CSMD2: variants seen among roughly 807,000 people sequenced by gnomAD.
CSMD2 encodes the protein CUB and Sushi multiple domains 2.
Under a neutral mutation model 398.5 loss-of-function variants are expected in CSMD2, and 130 were observed. The ratio of observed to expected loss-of-function variants is 0.33; its 90% confidence interval spans 0.28 to 0.38. The LOEUF is 0.38. Ranked by LOEUF, CSMD2 falls within the 10% of genes least tolerant of loss-of-function variation. CSMD2 has a pLI of 1.00. For missense variants in CSMD2, 3,829 were observed against 4,764.9 expected, an observed-to-expected ratio of 0.80 and a Z score of 5.78; for synonymous variants, 1,828 against 1,908.5, an observed-to-expected ratio of 0.96 and a Z score of 1.10.
chr1:33,695,495 G>A (rs1332159786), intron 24 of CSMD2, among the ~76,000 whole-genome samples: 1 of 152,050 alleles, frequency 6.6e-6, no homozygotes, highest in Non-Finnish European at 1.5e-5. Context: ...AGAAGCTGGG[G>A]GTTCCTGCTG....
At chr1:33,576,777 C>T (rs1380246548) in intron 49 of CSMD2, among the ~76,000 whole-genome samples, 2 of 151,410 alleles carry the variant, frequency 1.3e-5, no homozygotes, top group African/African-American at 4.8e-5. Context: ...TGTTCATTTT[C>T]ACTTTTTTTC....
intron 67 of CSMD2, 63 bp from the exon 68 acceptor site, chr1:33,521,613 C>T (rs765381300): frequency 9.7e-7 from 1 of 1,031,854 alleles, no homozygotes; most frequent in Non-Finnish European, 1.5e-6. Context: ...GAACTCCTCT[C>T]TCATCATACA....
intron 44 of CSMD2, among the ~76,000 whole-genome samples, chr1:33,588,712 T>C (rs766727445): frequency 6.6e-6 from 1 of 152,238 alleles, no homozygotes; most frequent in African/African-American, 2.4e-5. Flanking sequence ...CATTGCATAC[T>C]GTACCATCCA....
At chr1:34,064,553 A>C (rs533226572) in intron 2 of CSMD2, among the ~76,000 whole-genome samples, 5 of 152,210 alleles carry the variant, frequency 3.3e-5, no homozygotes, top group African/African-American at 1.2e-4. Context: ...TCTGGACCCT[A>C]CTGTTCATAT....
At chr1:33,890,659 C>G (rs1391615570) in intron 5 of CSMD2, among the ~76,000 whole-genome samples, 2 of 151,854 alleles carry the variant, frequency 1.3e-5, no homozygotes. Context: ...TACAAGGCTA[C>G]AGTAACCAAA....
At chr1:33,807,588 A>G (rs1010598019) in intron 10 of CSMD2, among the ~76,000 whole-genome samples, 7 of 152,150 alleles carry the variant, frequency 4.6e-5, no homozygotes, top group African/African-American at 1.7e-4. Flanking sequence ...GCTTTATCAA[A>G]CAATAACAAT....
At chr1:33,967,282 G>A (rs1348200337) in intron 3 of CSMD2, among the ~76,000 whole-genome samples, 2 of 151,592 alleles carry the variant, frequency 1.3e-5, no homozygotes, top group Non-Finnish European at 2.9e-5. Context: ...CGGGGGGTGG[G>A]GGGTAGTCTA....
At chr1:33,742,439 A>G (rs1265518799) in intron 14 of CSMD2, among the ~76,000 whole-genome samples, 2 of 152,126 alleles carry the variant, frequency 1.3e-5, no homozygotes, top group Admixed American at 6.5e-5. Context: ...GATCTAGTTA[A>G]TTGCTCAGAT....
At chr1:34,033,917 A>G (rs1213840333) in intron 2 of CSMD2, among the ~76,000 whole-genome samples, 2 of 152,166 alleles carry the variant, frequency 1.3e-5, no homozygotes. Context: ...TGTGGGATTC[A>G]TGTTAACTCA....
At chr1:34,091,372 C>T (rs1481942434) in intron 1 of CSMD2, among the ~76,000 whole-genome samples, 1 of 152,184 alleles carries the variant, frequency 6.6e-6, no homozygotes, top group African/African-American at 2.4e-5. Context: ...CACAACAGCC[C>T]TATACGGTAG....
chr1:33,806,250 C>T lies in CSMD2; in HGVS notation c.1446+4493G>A, dbSNP rs986059113. On this transcript the variant is annotated intron_variant, in intron 10 of 70. Transcript: ENST00000373381. ...CTGGAGGCTGACTGTTTATCTTAGA[C>T]CTTGACACTGAGTAGACAAGAAAAA... 3.3e-5 allele frequency among the ~76,000 whole-genome samples: 5 copies of T among 152,182 alleles called. No individual in the cohort carries two copies. The East Asian group carries it at 9.6e-4, about 29-fold the overall frequency.
intron 54 of CSMD2, among the ~76,000 whole-genome samples, chr1:33,558,478 G>A (rs531166067): frequency 3.3e-5 from 5 of 152,236 alleles, no homozygotes; most frequent in Admixed American, 1.3e-4. Context: ...TAAGATTTTA[G>A]AATAATGACA....
At chr1:33,696,457 G>C (rs774654270) in intron 24 of CSMD2, among the ~76,000 whole-genome samples, 2 of 152,156 alleles carry the variant, frequency 1.3e-5, no homozygotes, top group Non-Finnish European at 2.9e-5. Flanking sequence ...GGTGGGAGGT[G>C]CCAACCTGAT....
intron 5 of CSMD2, among the ~76,000 whole-genome samples, chr1:33,882,953 G>A (rs1478598316): frequency 2.6e-5 from 4 of 152,114 alleles, no homozygotes; most frequent in Admixed American, 6.5e-5. Context: ...CTCATCACAG[G>A]CTTGAAAGGG....
intron 3 of CSMD2, among the ~76,000 whole-genome samples, chr1:33,943,645 T>C (rs1644748124): frequency 6.6e-6 from 1 of 152,308 alleles, no homozygotes; most frequent in Middle Eastern, 3.4e-3. Flanking sequence ...TGCGCTTCAA[T>C]TCCTGCACTT....
chr1:33,545,979 G>T, intron 57 of CSMD2, 58 bp downstream of exon 57: 2 of 1,525,028 alleles, frequency 1.3e-6, no homozygotes, highest in Non-Finnish European at 1.8e-6. Flanking sequence ...AAGAGCAGGA[G>T]CAGGGGCGAG....
rs143985315 is a variant in CSMD2 at position 33,915,699 on chromosome 1, G to A, written c.920+2395C>T. ...CTTGGGACTGGAAGACAGGGAACTGGCAAGGGTATTCGTCTTGGCACCTGT... is the reference window on the plus strand; with the variant it reads ...CTTGGGACTGGAAGACAGGGAACTGACAAGGGTATTCGTCTTGGCACCTGT... On this transcript the variant is annotated intron_variant, in intron 5 of 70. Coordinates refer to ENST00000373381, the MANE Select transcript of CSMD2 (RefSeq NM_001281956.2). Among the ~76,000 whole-genome samples the A allele has an allele frequency of 1.1e-3, 168 of 152,352 alleles. 1 individual carries two copies. Among genetic ancestry groups the A allele is most frequent in the Middle Eastern group, 0.01 (3 of 294 alleles).
chr1:33,586,802 C>T (rs556755352), intron 45 of CSMD2, among the ~76,000 whole-genome samples, 185 bp from the exon 46 acceptor site: 4 of 152,330 alleles, frequency 2.6e-5, no homozygotes, highest in East Asian at 1.9e-4. Context: ...GTGTGAGCCT[C>T]AGAATGTTTC....
intron 41 of CSMD2, chr1:33,605,822 G>T: frequency 6.5e-7 from 1 of 1,532,016 alleles, no homozygotes; most frequent in Non-Finnish European, 8.9e-7. Flanking sequence ...TGGGGGCCAG[G>T]CACCAGCCTA....
Sources: gnomAD v4.1 joint callset for allele counts (sites outside exome capture counted in the v4.1 genomes callset) on GRCh38, gnomAD v4.1.1 for gene constraint, MANE v1.5 for transcripts, NCBI Gene and HGNC (gene_info 2026-07-23, HGNC 2026-07-21) for gene names.